Variants in NEURL1 observed in about 807,000 individuals in gnomAD.
The protein encoded by NEURL1 is neuralized E3 ubiquitin protein ligase 1, also known as E3 ubiquitin-protein ligase NEURL1.
In NEURL1, 26 loss-of-function variants were observed where a neutral mutation model predicts 41.2. The ratio of observed to expected loss-of-function variants is 0.63; its 90% confidence interval spans 0.46 to 0.87. The LOEUF is 0.87. Ranked by LOEUF, NEURL1 falls within the 40% of genes least tolerant of loss-of-function variation. NEURL1 has a pLI of 0.00. For synonymous variants in NEURL1, 400 were observed against 402.3 expected (o/e 0.99, Z 0.07); for missense variants, 761 against 871.1 (o/e 0.87, Z 1.59).
intron 1 of NEURL1, among the ~76,000 whole-genome samples, chr10:103,538,656 T>C (rs1397234082): frequency 6.6e-6 from 1 of 151,048 alleles, no homozygotes; most frequent in Non-Finnish European, 1.5e-5. Flanking sequence ...TCTTCCTTTT[T>C]TTTTTTTTGA....
At chr10:103,524,891 T>C (rs752907311) in intron 1 of NEURL1, among the ~76,000 whole-genome samples, 10 of 152,200 alleles carry the variant, frequency 6.6e-5, no homozygotes, top group Non-Finnish European at 1.5e-4. Flanking sequence ...AGCTTTGTCC[T>C]TTTTGCTCAG....
At chr10:103,526,668 T>C (rs1304864356) in intron 1 of NEURL1, among the ~76,000 whole-genome samples, 1 of 151,866 alleles carries the variant, frequency 6.6e-6, no homozygotes, top group Non-Finnish European at 1.5e-5. Context: ...CGTACCACCA[T>C]GCCCGGGTAA....
At chr10:103,501,600 G>T (rs1361134359) in intron 1 of NEURL1, among the ~76,000 whole-genome samples, 1 of 116,962 alleles carries the variant, frequency 8.5e-6, no homozygotes, top group Non-Finnish European at 1.8e-5. Context: ...AGGAGAGGTA[G>T]GTATTATTCC....
At chr10:103,565,019 G>A (rs967112125) in intron 1 of NEURL1, among the ~76,000 whole-genome samples, 15 of 152,192 alleles carry the variant, frequency 9.9e-5, no homozygotes, top group African/African-American at 3.6e-4. Context: ...GCGCATCGCG[G>A]CCCCAGCCCT....
At chr10:103,524,280 T>C (rs1426430642) in intron 1 of NEURL1, among the ~76,000 whole-genome samples, 3 of 152,170 alleles carry the variant, frequency 2.0e-5, no homozygotes, top group East Asian at 3.8e-4. Context: ...TGTTTTTTAA[T>C]TGGAGGATTT....
chr10:103,498,216 A>G (rs1201744285), intron 1 of NEURL1, among the ~76,000 whole-genome samples: 1 of 152,150 alleles, frequency 6.6e-6, no homozygotes, highest in Non-Finnish European at 1.5e-5. Context: ...GCCTGACTGG[A>G]TGGGCTACCT....
intron 3 of NEURL1, among the ~76,000 whole-genome samples, chr10:103,575,421 C>A (rs936093577): frequency 2.6e-5 from 4 of 152,228 alleles, no homozygotes; most frequent in African/African-American, 9.7e-5. Context: ...GCCAGGCCTG[C>A]CCCTGCCCCC....
At chr10:103,507,841 G>T (rs1203429938) in intron 1 of NEURL1, among the ~76,000 whole-genome samples, 1 of 152,188 alleles carries the variant, frequency 6.6e-6, no homozygotes, top group East Asian at 1.9e-4. Context: ...GGGACCTGCA[G>T]CCCTGCCCCA....
chr10:103,506,984 T>C (rs1382941177), intron 1 of NEURL1, among the ~76,000 whole-genome samples: 1 of 152,204 alleles, frequency 6.6e-6, no homozygotes, highest in African/African-American at 2.4e-5. Context: ...AGGCCTGTGC[T>C]TGGTTCCTGG....
rs953915183 is a variant in NEURL1 at position 103,571,063 on chromosome 10, A to T, written c.277A>T (p.Ile93Phe). Residue 93 changes from isoleucine (I) to phenylalanine (F), a missense_variant, in exon 2 of 6, where the codon ATC (isoleucine) becomes TTC (phenylalanine). Ile to Phe is a conservative substitution (Grantham distance 21). This residue lies in a region of NEURL1 where 65 missense variants were observed against 131.6 expected (regional missense o/e 0.49). Coordinates refer to ENST00000369780, the MANE Select transcript of NEURL1 (RefSeq NM_004210.5). ...VKRQASFCNA[I>F]TFSNRPVLIY... ...GAGGCAGGCCAGCTTCTGCAACGCC[A>T]TCACCTTCAGCAACCGCCCGGTCCT... 6.2e-7 allele frequency: 1 copy of T among 1,613,748 alleles called. No individual in the cohort carries two copies. Among genetic ancestry groups the T allele is most frequent in the African/African-American group, 1.3e-5 (1 of 74,918 alleles).
intron 1 of NEURL1, among the ~76,000 whole-genome samples, chr10:103,512,729 G>A (rs2034102330): frequency 6.6e-6 from 1 of 152,134 alleles, no homozygotes; most frequent in African/African-American, 2.4e-5. Flanking sequence ...TGTGTGGAGG[G>A]AGGCTTGTGT....
At position 103,590,251 on chromosome 10, in the gene NEURL1, CAT is replaced by C. The variant is rs1213097833; in HGVS notation, c.1605_1606del (p.Cys536TrpfsTer155). 2 of 1,614,170 alleles carry C rather than the reference CAT, an allele frequency of 1.2e-6. No individual in the cohort carries two copies. The highest frequency in any genetic ancestry group is 3.3e-5 in the Admixed American group (2 of 60,032). On this transcript the variant is annotated frameshift_variant, in exon 6 of 6. Transcript: ENST00000369780. LOFTEE classifies it high-confidence loss of function. The stretch of plus-strand genomic sequence containing the variant: ...CACGCGGTGGACACGGTCATCTACA[CAT>C]GTGGCCACATGTGCCTCTGCTACGC...
chr10:103,513,965 C>A (rs972939252), intron 1 of NEURL1, among the ~76,000 whole-genome samples: 3 of 152,018 alleles, frequency 2.0e-5, no homozygotes, highest in Admixed American at 6.6e-5. Flanking sequence ...CGGCCCTGAC[C>A]CCGCTGTTGT....
At chr10:103,564,881 G>A (rs2035383752) in intron 1 of NEURL1, among the ~76,000 whole-genome samples, 1 of 152,122 alleles carries the variant, frequency 6.6e-6, no homozygotes, top group Non-Finnish European at 1.5e-5. Flanking sequence ...TTAATGCCAG[G>A]ATGGAGGAGG....
intron 1 of NEURL1, among the ~76,000 whole-genome samples, chr10:103,504,663 C>T (rs139562974): frequency 5.9e-5 from 9 of 152,276 alleles, no homozygotes; most frequent in African/African-American, 1.9e-4. Flanking sequence ...GTGTGCAGCC[C>T]ACACTTAAGC....
chr10:103,575,053 G>A (rs762657097), intron 3 of NEURL1, among the ~76,000 whole-genome samples: 2 of 151,238 alleles, frequency 1.3e-5, no homozygotes, highest in Non-Finnish European at 2.9e-5. Context: ...ATCTCCTGAG[G>A]TGGGCGTGAT....
At chr10:103,552,025 T>C (rs561448245) in intron 1 of NEURL1, among the ~76,000 whole-genome samples, 1 of 152,214 alleles carries the variant, frequency 6.6e-6, no homozygotes, top group South Asian at 2.1e-4. Flanking sequence ...ATTTCAGGTC[T>C]GTTTGTGAGA....
At chr10:103,538,943 G>A (rs952383727) in intron 1 of NEURL1, among the ~76,000 whole-genome samples, 3 of 129,178 alleles carry the variant, frequency 2.3e-5, no homozygotes, top group Non-Finnish European at 5.0e-5. Context: ...CACCGCACCC[G>A]TTTTTTTTTT....
At chr10:103,562,302 G>A (rs1233672919) in intron 1 of NEURL1, among the ~76,000 whole-genome samples, 1 of 152,210 alleles carries the variant, frequency 6.6e-6, no homozygotes, top group Non-Finnish European at 1.5e-5. Context: ...AGAATCACTT[G>A]AACCTGGGAG....
Sources: gnomAD v4.1 joint callset for allele counts (sites outside exome capture counted in the v4.1 genomes callset) on GRCh38, gnomAD v4.1.1 for gene constraint, gnomAD v4.1.1 regional missense constraint, MANE v1.5 for transcripts, NCBI Gene and HGNC (gene_info 2026-07-23, HGNC 2026-07-21) for gene names.